MIA2: variants seen among roughly 807,000 people sequenced by gnomAD.
The protein encoded by MIA2 is MIA SH3 domain ER export factor 2, also known as melanoma inhibitory activity protein 2.
A neutral mutation model predicts 167.8 loss-of-function variants in MIA2; 127 were observed. The ratio of observed to expected loss-of-function variants is 0.76; its 90% CI spans 0.66 to 0.88. The LOEUF is 0.88. Ranked by LOEUF, MIA2 falls within the 40% of genes least tolerant of loss-of-function variation. MIA2 has a pLI of 0.00. For synonymous variants in MIA2, 552 were observed against 541.9 expected (o/e 1.02, Z -0.26); for missense variants, 1,690 against 1,624.7 (o/e 1.04, Z -0.69).
At chr14:39,265,474 A>G in intron 6 of MIA2, 1 of 1,455,018 alleles carries the variant, frequency 6.9e-7, no homozygotes, top group Non-Finnish European at 9.6e-7. Context: ...GGAATTTTGC[A>G]CTAAGTTTGT....
Position 39,313,303 on chromosome 14 carries a change from A to G in MIA2, c.3018-37A>G, listed in dbSNP as rs1041498527. ...AATATAGAATTGATTATCTTTTGAC[A>G]TGTATTAAGAGAATTATAACATTTT... is the stretch of plus-strand genomic sequence containing the variant. On this transcript the variant is annotated intron_variant, in intron 18 of 28. Coordinates refer to ENST00000640607, the MANE Select transcript of MIA2 (RefSeq NM_001329214.4). 8.5e-6 allele frequency: 9 copies of G among 1,056,280 alleles called. No homozygotes were observed. In the African/African-American group the frequency reaches 1.1e-4, roughly 13 times the overall value. The allele number at this position is 1,056,280 out of a possible 1,614,324, so 65.4% of individuals were successfully genotyped here.
intron 23 of MIA2, among the ~76,000 whole-genome samples, chr14:39,381,538 AAG>A (rs1365211185): frequency 6.6e-6 from 1 of 152,228 alleles, no homozygotes; most frequent in Non-Finnish European, 1.5e-5. Flanking sequence ...ATGGTGAAAA[AAG>A]GGCAAAAGAA....
At chr14:39,335,394 A>C (rs1161069031) in intron 25 of MIA2, among the ~76,000 whole-genome samples, 1 of 152,156 alleles carries the variant, frequency 6.6e-6, no homozygotes, top group Non-Finnish European at 1.5e-5. Context: ...TTCTACTTGG[A>C]AGAAGTGTTT....
At chr14:39,368,028 T>G (rs1384603104) in intron 23 of MIA2, among the ~76,000 whole-genome samples, 1 of 152,216 alleles carries the variant, frequency 6.6e-6, no homozygotes, top group Admixed American at 6.5e-5. Flanking sequence ...CTATGGAAAC[T>G]TGCTTTTTTC....
intron 28 of MIA2, among the ~76,000 whole-genome samples, chr14:39,349,562 A>G (rs1474196260): frequency 6.6e-6 from 1 of 152,248 alleles, no homozygotes; most frequent in Non-Finnish European, 1.5e-5. Context: ...GTTACCAAAT[A>G]CTAGGCTTTG....
chr14:39,315,751 C>T (rs1322779998), intron 21 of MIA2, 33 bp downstream of exon 21: 1 of 1,423,616 alleles, frequency 7.0e-7, no homozygotes, highest in South Asian at 1.3e-5. Flanking sequence ...TCTCTTTTGT[C>T]AAATTGTATG....
chr14:39,314,627 T>TTTTTG (rs2064996052), intron 19 of MIA2, 112 bp from the exon 20 acceptor site: 1 of 491,516 alleles, frequency 2.0e-6, no homozygotes, highest in Non-Finnish European at 3.3e-6. Flanking sequence ...TTTTTTTTTT[T>TTTTTG]TTCATGAAGT....
chr14:39,321,088 A>C, intron 24 of MIA2, 32 bp downstream of exon 24: 1 of 1,579,760 alleles, frequency 6.3e-7, no homozygotes, highest in Non-Finnish European at 8.6e-7. Flanking sequence ...ATTACTCTAG[A>C]TTTCTTCCTT....
chr14:39,384,075 A>C (rs2075222273), intron 23 of MIA2, among the ~76,000 whole-genome samples: 1 of 152,226 alleles, frequency 6.6e-6, no homozygotes, highest in Non-Finnish European at 1.5e-5. Flanking sequence ...TTGCAAGAAG[A>C]AGCCATCTAG....
At chr14:39,361,240 A>G (rs1176770076) in intron 23 of MIA2, among the ~76,000 whole-genome samples, 2 of 152,204 alleles carry the variant, frequency 1.3e-5, no homozygotes, top group East Asian at 1.9e-4. Flanking sequence ...TTTAGGTAAT[A>G]TGGACTTTTT....
chr14:39,339,736 G>T (rs946532241), intron 25 of MIA2, among the ~76,000 whole-genome samples: 1 of 152,186 alleles, frequency 6.6e-6, no homozygotes, highest in Non-Finnish European at 1.5e-5. Flanking sequence ...CAGTACAGTA[G>T]CCACTAGGCA....
chr14:39,304,330 C>A lies in MIA2; in HGVS notation c.2827C>A (p.Gln943Lys). Reference protein sequence around the residue: ...SLKTLEGERNQIYIQLSEVDK... With the variant: ...SLKTLEGERNKIYIQLSEVDK... Reference sequence around the variant, plus strand: ...AAAAACCTTAGAAGGAGAAAGAAACCAAATTTATATTCAGTTGTCTGAAGT... The same window carrying A: ...AAAAACCTTAGAAGGAGAAAGAAACAAAATTTATATTCAGTTGTCTGAAGT... Residue 943 changes from glutamine (Q) to lysine (K), a missense_variant, in exon 17 of 29, where the codon CAA (glutamine) becomes AAA (lysine). Transcript: ENST00000640607. The A allele has an allele frequency of 1.3e-6, 2 of 1,573,036 alleles. No individual in the cohort carries two copies. The highest frequency in any genetic ancestry group is 1.8e-5 in the Admixed American group (1 of 55,008).
chr14:39,369,199 G>A (rs2074885480), intron 23 of MIA2, among the ~76,000 whole-genome samples: 1 of 152,158 alleles, frequency 6.6e-6, no homozygotes, highest in South Asian at 2.1e-4. Flanking sequence ...GACTGACAGG[G>A]TTTGCCTTGG....
At chr14:39,241,380 G>C (rs533029022) in intron 3 of MIA2, among the ~76,000 whole-genome samples, 6 of 152,310 alleles carry the variant, frequency 3.9e-5, no homozygotes, top group Non-Finnish European at 7.4e-5. Context: ...TCTGGGATTA[G>C]CTGTCTATTT....
chr14:39,352,720 C>T (rs1005353914), downstream of MIA2, among the ~76,000 whole-genome samples: 1 of 152,054 alleles, frequency 6.6e-6, no homozygotes, highest in Non-Finnish European at 1.5e-5. Context: ...AGTTGTTATA[C>T]TGTATTTTTA....
chr14:39,290,973 G>A, intron 9 of MIA2, 46 bp from the exon 10 acceptor site: 3 of 1,502,118 alleles, frequency 2.0e-6, no homozygotes, highest in Non-Finnish European at 2.7e-6. Flanking sequence ...ATAAGATTTA[G>A]AATACAATTG....
intron 9 of MIA2, among the ~76,000 whole-genome samples, chr14:39,284,114 A>G (rs182118774): frequency 6.6e-6 from 1 of 152,156 alleles, no homozygotes; most frequent in Admixed American, 6.5e-5. Flanking sequence ...TGTGATAGTC[A>G]ATAAATTATT....
downstream of MIA2, among the ~76,000 whole-genome samples, chr14:39,356,067 T>A (rs542087032): frequency 3.3e-5 from 5 of 152,344 alleles, no homozygotes; most frequent in Admixed American, 2.0e-4. Flanking sequence ...GCTGCCCTCA[T>A]AAAATGAGTT....
At chr14:39,336,757 T>A (rs529625424) in intron 25 of MIA2, among the ~76,000 whole-genome samples, 22 of 152,242 alleles carry the variant, frequency 1.4e-4, no homozygotes, top group African/African-American at 4.8e-4. Flanking sequence ...TATTAAAAAA[T>A]TTTTTTAGAG....
Sources: gnomAD v4.1 joint callset for allele counts (sites outside exome capture counted in the v4.1 genomes callset) on GRCh38, gnomAD v4.1.1 for gene constraint, MANE v1.5 for transcripts, NCBI Gene and HGNC (gene_info 2026-07-23, HGNC 2026-07-21) for gene names.